The following RIMS2 variants were observed in gnomAD, a reference collection of about 807,000 sequenced individuals.
RIMS2 encodes regulating synaptic membrane exocytosis protein 2.
In RIMS2, 59 loss-of-function variants were observed where a neutral mutation model predicts 174.4. That is an observed-to-expected ratio of 0.34 (90% CI 0.27 to 0.42). RIMS2 has a LOEUF of 0.42. Ranked by LOEUF, RIMS2 falls within the 10% of genes least tolerant of loss-of-function variation. RIMS2 has a pLI of 1.00. For synonymous variants in RIMS2, 606 were observed against 572.5 expected, an observed-to-expected ratio of 1.06 and a Z score of -0.84; for missense variants, 1,620 against 1,666.3, an observed-to-expected ratio of 0.97 and a Z score of 0.48.
intron 4 of RIMS2, among the ~76,000 whole-genome samples, chr8:103,887,876 C>T (rs1314971706): frequency 6.6e-6 from 1 of 151,492 alleles, no homozygotes; most frequent in African/African-American, 2.4e-5. Context: ...ATGTGAGTAG[C>T]GGTTCATTTC....
intron 19 of RIMS2, 80 bp downstream of exon 23, chr8:104,068,692 G>A (rs909496625): frequency 1.6e-5 from 12 of 735,638 alleles, no homozygotes; most frequent in Non-Finnish European, 2.8e-5. Context: ...ACTAAATGCA[G>A]ATTAGTCAGA....
intron 1 of RIMS2, among the ~76,000 whole-genome samples, chr8:103,566,189 C>G (rs1273634967): frequency 1.3e-5 from 2 of 152,128 alleles, no homozygotes; most frequent in Non-Finnish European, 2.9e-5. Flanking sequence ...CTTGTCTTAA[C>G]TGGTATTTCT....
chr8:104,128,854 A>C (rs1424709106), intron 19 of RIMS2, among the ~76,000 whole-genome samples: 1 of 152,184 alleles, frequency 6.6e-6, no homozygotes, highest in Non-Finnish European at 1.5e-5. Flanking sequence ...TTTTAAATAG[A>C]GTGGCTAAAT....
At chr8:103,930,743 A>T (rs2079760384) in intron 11 of RIMS2, among the ~76,000 whole-genome samples, 1 of 152,184 alleles carries the variant, frequency 6.6e-6, no homozygotes, top group East Asian at 1.9e-4. Context: ...AACTGAAGGA[A>T]TCTATTGACT....
chr8:103,756,749 C>G (rs2098017272), intron 2 of RIMS2, among the ~76,000 whole-genome samples: 1 of 151,972 alleles, frequency 6.6e-6, no homozygotes, highest in Non-Finnish European at 1.5e-5. Context: ...TGACAGACAT[C>G]TTTAAAAATT....
At chr8:103,623,208 A>G (rs2095677696) in intron 1 of RIMS2, among the ~76,000 whole-genome samples, 1 of 152,210 alleles carries the variant, frequency 6.6e-6, no homozygotes, top group African/African-American at 2.4e-5. Flanking sequence ...GCTAGCCCTA[A>G]CATTCATACC....
chr8:104,070,627 C>A (rs1301839954), intron 19 of RIMS2, among the ~76,000 whole-genome samples: 1 of 151,998 alleles, frequency 6.6e-6, no homozygotes, highest in African/African-American at 2.4e-5. Context: ...CATCTGTTCA[C>A]CTTGTATAAT....
chr8:104,071,528 G>A (rs1182300467), intron 19 of RIMS2, among the ~76,000 whole-genome samples: 1 of 152,134 alleles, frequency 6.6e-6, no homozygotes, highest in Non-Finnish European at 1.5e-5. Flanking sequence ...TCCGCCTCCT[G>A]GGTTCAAGTG....
At chr8:103,779,375 T>C (rs1303090051) in intron 3 of RIMS2, among the ~76,000 whole-genome samples, 1 of 152,180 alleles carries the variant, frequency 6.6e-6, no homozygotes, top group Admixed American at 6.6e-5. Flanking sequence ...TTTCACAGTT[T>C]TGGGTCTTCA....
chr8:103,725,534 TG>T (rs1463599226), intron 2 of RIMS2, among the ~76,000 whole-genome samples: 25 of 152,202 alleles, frequency 1.6e-4, no homozygotes, highest in Non-Finnish European at 2.9e-5. Flanking sequence ...TCATCCATGA[TG>T]TTGCCTATAA....
chr8:104,057,769 C>T (rs868233068), intron 19 of RIMS2, among the ~76,000 whole-genome samples: 8 of 138,010 alleles, frequency 5.8e-5, no homozygotes, highest in African/African-American at 1.1e-4. Flanking sequence ...CTTCCTGTGT[C>T]CATGTGTTCT....
intron 3 of RIMS2, among the ~76,000 whole-genome samples, chr8:103,876,864 T>TTATA (rs199997824): frequency 0.012 from 825 of 67,462 alleles, 18 homozygotes; most frequent in East Asian, 0.031. Context: ...ACACACTATT[T>TTATA]TATATATATA....
chr8:104,001,296 C>T (rs2095375638), intron 17 of RIMS2, among the ~76,000 whole-genome samples: 1 of 151,876 alleles, frequency 6.6e-6, no homozygotes, highest in Non-Finnish European at 1.5e-5. Context: ...CCCAATTACC[C>T]AAATTTGATC....
At chr8:104,010,436 G>A (rs1314076848) in intron 17 of RIMS2, among the ~76,000 whole-genome samples, 1 of 152,098 alleles carries the variant, frequency 6.6e-6, no homozygotes, top group African/African-American at 2.4e-5. Flanking sequence ...CCTATTGTCA[G>A]TTCATCCTCA....
At chr8:103,513,675 G>A (rs1435858242) in intron 1 of RIMS2, among the ~76,000 whole-genome samples, 2 of 152,136 alleles carry the variant, frequency 1.3e-5, no homozygotes, top group Non-Finnish European at 2.9e-5. Context: ...GGAAGTATGG[G>A]TGTGTGGTAT....
intron 19 of RIMS2, among the ~76,000 whole-genome samples, chr8:104,016,549 A>G (rs1177904182): frequency 6.6e-6 from 1 of 152,026 alleles, no homozygotes; most frequent in Non-Finnish European, 1.5e-5. Flanking sequence ...AAAAGACTTC[A>G]CAGCATTTTT....
chr8:103,746,619 A>G (rs2097819964), intron 2 of RIMS2, among the ~76,000 whole-genome samples: 1 of 151,962 alleles, frequency 6.6e-6, no homozygotes. Flanking sequence ...TCAACCTCTG[A>G]AAGGCCACAG....
At chr8:104,151,553 G>T (rs989470086) in intron 19 of RIMS2, among the ~76,000 whole-genome samples, 1 of 150,732 alleles carries the variant, frequency 6.6e-6, no homozygotes, top group African/African-American at 2.4e-5. Context: ...GGGTGACGGA[G>T]CGAGACTCTG....
chr8:103,519,425 C>G (rs890443514), intron 1 of RIMS2, among the ~76,000 whole-genome samples: 4 of 152,066 alleles, frequency 2.6e-5, no homozygotes, highest in Admixed American at 6.6e-5. Context: ...AACTGTCTCA[C>G]AATTTACCAT....
Sources: gnomAD v4.1 joint callset for allele counts (sites outside exome capture counted in the v4.1 genomes callset) on GRCh38, gnomAD v4.1.1 for gene constraint, MANE v1.5 for transcripts, NCBI Gene and HGNC (gene_info 2026-07-23, HGNC 2026-07-21) for gene names.